Variants in DPF3 observed in about 807,000 individuals in gnomAD.
DPF3 encodes zinc finger protein DPF3.
DPF3 carries 18 observed loss-of-function variants against 56.8 expected under a neutral mutation model. That is an observed-to-expected ratio of 0.32 (90% CI 0.22 to 0.47). DPF3 has a LOEUF of 0.47. Ranked by LOEUF, DPF3 falls within the 20% of genes least tolerant of loss-of-function variation. The pLI, the probability that DPF3 is intolerant of heterozygous loss-of-function variation, is 1.00. For missense variants in DPF3, 403 were observed against 488.8 expected (o/e 0.82, Z 1.65); for synonymous variants, 188 against 180.2 (o/e 1.04, Z -0.35).
chr14:72,793,493 C>T (rs1371482451), intron 1 of DPF3, among the ~76,000 whole-genome samples: 2 of 152,234 alleles, frequency 1.3e-5, no homozygotes, highest in Admixed American at 1.3e-4. Context: ...AATCTCCAGG[C>T]AGGCCAAGGC....
At chr14:72,748,902 G>A (rs905823107) in intron 3 of DPF3, among the ~76,000 whole-genome samples, 2 of 152,242 alleles carry the variant, frequency 1.3e-5, no homozygotes, top group Non-Finnish European at 2.9e-5. Context: ...GGATACCCAG[G>A]CAGAAGTTTT....
intron 1 of DPF3, among the ~76,000 whole-genome samples, chr14:72,798,112 G>A (rs1892710955): frequency 6.6e-6 from 1 of 151,880 alleles, no homozygotes; most frequent in South Asian, 2.1e-4. Flanking sequence ...AAAGTAGTTG[G>A]GTGTGGTGGC....
chr14:72,841,169 G>A (rs894974378), intron 1 of DPF3, among the ~76,000 whole-genome samples: 4 of 152,154 alleles, frequency 2.6e-5, no homozygotes, highest in African/African-American at 7.2e-5. Context: ...TTGTTTGGGG[G>A]TCAGGGAAGG....
chr14:72,694,288 G>T (rs925853496), intron 6 of DPF3, among the ~76,000 whole-genome samples: 2 of 150,342 alleles, frequency 1.3e-5, no homozygotes, highest in South Asian at 4.4e-4. Context: ...TTGTCCCCCA[G>T]CCTGGGTCCC....
rs1555507692 is a variant in DPF3 at position 72,795,298 on chromosome 14, AT to A, written c.33-23406del. Among the ~76,000 whole-genome samples, 269 of 112,352 alleles carry A rather than the reference AT, an allele frequency of 2.4e-3. 2 individuals carry two copies. The highest frequency in any genetic ancestry group is 0.013 in the Middle Eastern group (3 of 228). 73.7% of individuals were successfully genotyped at this position (112,352 alleles called of 152,430 possible). A position where few individuals can be genotyped will look rare whatever the true frequency, so the allele number is the denominator to read the frequency against. On this transcript the variant is annotated intron_variant, in intron 1 of 10. Transcript: ENST00000556509. The stretch of plus-strand genomic sequence containing the variant: ...TTGACAAAAAAAAAAAAAAAAAAAT[AT>A]ATATATATATATATATATAAGGCAG...
At chr14:72,792,806 C>G (rs149274927) in intron 1 of DPF3, among the ~76,000 whole-genome samples, 5 of 152,242 alleles carry the variant, frequency 3.3e-5, no homozygotes, top group African/African-American at 1.2e-4. Context: ...ACCTGAACCT[C>G]TCTCCCTCAA....
chr14:72,800,008 C>T (rs1489480863), intron 1 of DPF3, among the ~76,000 whole-genome samples: 1 of 152,162 alleles, frequency 6.6e-6, no homozygotes, highest in Non-Finnish European at 1.5e-5. Flanking sequence ...CCTCTGTGTG[C>T]TTAAGCACTA....
chr14:72,622,357 T>C (rs1483375849), intron 9 of DPF3, among the ~76,000 whole-genome samples: 1 of 152,134 alleles, frequency 6.6e-6, no homozygotes, highest in Non-Finnish European at 1.5e-5. Flanking sequence ...ACGAGCACAC[T>C]GTAGTTTACG....
intron 1 of DPF3, among the ~76,000 whole-genome samples, chr14:72,794,473 C>T (rs1567234843): frequency 6.6e-6 from 1 of 152,142 alleles, no homozygotes. Context: ...TTCAAGCCAG[C>T]GGGGTCAGCA....
intron 1 of DPF3, among the ~76,000 whole-genome samples, chr14:72,825,084 C>T (rs1451578058): frequency 4.6e-5 from 7 of 152,132 alleles, no homozygotes; most frequent in Non-Finnish European, 1.0e-4. Flanking sequence ...GATGGGGTTT[C>T]ACCATGTCGG....
At chr14:72,683,326 CAAAAA>C (rs56087517) in intron 7 of DPF3, among the ~76,000 whole-genome samples, 1 of 79,608 alleles carries the variant, frequency 1.3e-5, no homozygotes, top group Non-Finnish European at 2.5e-5. Flanking sequence ...GACCCCATCT[CAAAAA>C]AAAAAAAAAA....
intron 1 of DPF3, among the ~76,000 whole-genome samples, chr14:72,826,175 A>G (rs1467211642): frequency 6.6e-6 from 1 of 152,208 alleles, no homozygotes; most frequent in Non-Finnish European, 1.5e-5. Flanking sequence ...CAGATAATAA[A>G]CCAAGAAGAA....
At chr14:72,691,782 G>A (rs958970681) in intron 7 of DPF3, among the ~76,000 whole-genome samples, 4 of 151,902 alleles carry the variant, frequency 2.6e-5, no homozygotes, top group Middle Eastern at 3.2e-3. Flanking sequence ...GCCACAGCAC[G>A]CATGCACAGA....
chr14:72,659,268 C>G (rs1567191738), intron 8 of DPF3, among the ~76,000 whole-genome samples: 1 of 152,232 alleles, frequency 6.6e-6, no homozygotes, highest in African/African-American at 2.4e-5. Flanking sequence ...CCAGAGCTAA[C>G]CATCTATGGT....
At chr14:72,656,968 A>G (rs1194102288) in intron 8 of DPF3, among the ~76,000 whole-genome samples, 1 of 152,248 alleles carries the variant, frequency 6.6e-6, no homozygotes, top group Non-Finnish European at 1.5e-5. Flanking sequence ...AGAAGGTTTC[A>G]ATTCAGTAGT....
intron 7 of DPF3, among the ~76,000 whole-genome samples, chr14:72,682,077 G>T (rs181992437): frequency 3.3e-5 from 5 of 152,102 alleles, no homozygotes; most frequent in African/African-American, 1.2e-4. Context: ...AGCCAGGTGT[G>T]GTGGCACACA....
intron 1 of DPF3, among the ~76,000 whole-genome samples, chr14:72,814,677 T>C (rs1253890712): frequency 1.3e-5 from 2 of 152,078 alleles, no homozygotes; most frequent in African/African-American, 4.8e-5. Context: ...TAGCTGGTCA[T>C]GATGGCAGGT....
In DPF3 at chr14:72,696,997, C is replaced by T. The variant is rs1199307877; in HGVS notation, c.605-3784G>A. 2.0e-5 allele frequency among the ~76,000 whole-genome samples: 3 copies of T among 152,200 alleles called. No individual in the cohort carries two copies. The East Asian group carries it at 5.8e-4, about 29-fold the overall frequency. ...TCCACCAACCCTATGTCCACATGCCCTTCTTGATGGATGGCCGTAGCAGGC... is the reference window on the plus strand; with the variant it reads ...TCCACCAACCCTATGTCCACATGCCTTTCTTGATGGATGGCCGTAGCAGGC... On this transcript the variant is annotated intron_variant, in intron 6 of 10. Coordinates refer to ENST00000556509, the MANE Select transcript of DPF3 (RefSeq NM_001280542.3).
chr14:72,781,621 C>T (rs1465545797), intron 1 of DPF3, among the ~76,000 whole-genome samples: 2 of 151,748 alleles, frequency 1.3e-5, no homozygotes, highest in East Asian at 3.9e-4. Flanking sequence ...TGATGACATA[C>T]ACATCTCGAG....
Sources: allele counts gnomAD v4.1 joint callset (sites outside exome capture counted in the v4.1 genomes callset), GRCh38; gene constraint gnomAD v4.1.1; transcripts MANE v1.5; gene names NCBI Gene and HGNC (gene_info 2026-07-23, HGNC 2026-07-21).